The following COL18A1 variants were observed in gnomAD, a reference collection of about 807,000 sequenced individuals.
COL18A1 encodes collagen type XVIII alpha 1 chain, also known as collagen alpha-1(XVIII) chain.
COL18A1 carries 133 observed loss-of-function variants against 168.0 expected under a neutral mutation model. The ratio of observed to expected loss-of-function variants is 0.79; its 90% CI spans 0.69 to 0.91. COL18A1 has a LOEUF of 0.91. Among genes scored for constraint, COL18A1 ranks in the 40% least tolerant of loss-of-function variants. COL18A1 has a pLI of 0.00. For synonymous variants in COL18A1, 949 were observed against 809.0 expected, an observed-to-expected ratio of 1.17 and a Z score of -2.94; for missense variants, 2,126 against 1,925.4, an observed-to-expected ratio of 1.10 and a Z score of -1.95.
intron 26 of COL18A1, 69 bp from the exon 27 acceptor site, chr21:45,494,476 G>T: frequency 6.2e-7 from 1 of 1,607,158 alleles, no homozygotes; most frequent in Non-Finnish European, 8.5e-7. Context: ...CGCCACAGGG[G>T]CCCTCAGAGA....
At chr21:45,410,899 C>G (rs2033270146) in intron 2 of COL18A1, among the ~76,000 whole-genome samples, 1 of 152,234 alleles carries the variant, frequency 6.6e-6, no homozygotes, top group Non-Finnish European at 1.5e-5. Context: ...TCAGGAAGAG[C>G]CTCTGATTCG....
chr21:45,473,799 C>T lies in COL18A1; in HGVS notation c.652-96C>T. 9.5e-7 allele frequency: 1 copy of T among 1,049,576 alleles called. No individual in the cohort carries two copies. Among genetic ancestry groups the T allele is most frequent in the Non-Finnish European group, 1.4e-6 (1 of 696,470 alleles). 65.0% of individuals were successfully genotyped at this position (1,049,576 alleles called of 1,614,324 possible). A position where few individuals can be genotyped will look rare whatever the true frequency, so the allele number is the denominator to read the frequency against. ...CTTCCCTCTCCGAGACTCTCCTGCC[C>T]TTTGTGGGCCCCCCGAAATCTGGAG... is the stretch of plus-strand genomic sequence containing the variant. On this transcript the variant is annotated intron_variant, in intron 3 of 41. Transcript: ENST00000651438. This position sits in a 1 kb window ranked among gnomAD's most constrained non-coding sequence, Gnocchi z 4.0.
intron 28 of COL18A1, 22 bp downstream of exon 28, chr21:45,494,937 TG>T: frequency 6.2e-7 from 1 of 1,603,820 alleles, no homozygotes; most frequent in Non-Finnish European, 8.5e-7. Context: ...GGGTCTCCAG[TG>T]GGGGCGGCAG....
chr21:45,437,111 ACTCACACACAGACACACAGG>A lies in COL18A1; in HGVS notation c.107-31129_107-31110del, dbSNP rs1569287124. On this transcript the variant is annotated intron_variant, in intron 2 of 41. Transcript: ENST00000651438. ...CACACAGGCACTCTCCTGCACACAC[ACTCACACACAGACACACAGG>A]CACTCTCCACACACACTCACACTCA... 2.7e-3 allele frequency among the ~76,000 whole-genome samples: 267 copies of A among 98,680 alleles called. 6 individuals are homozygous for A. Among genetic ancestry groups the A allele is most frequent in the African/African-American group, 0.011 (179 of 16,696 alleles). 64.7% of individuals were successfully genotyped at this position (98,680 alleles called of 152,430 possible). A position where few individuals can be genotyped will look rare whatever the true frequency, so the allele number is the denominator to read the frequency against.
intron 15 of COL18A1, among the ~76,000 whole-genome samples, chr21:45,486,046 G>GCCTCCCTCCCTCACGC (rs2036097538): frequency 6.6e-6 from 1 of 152,218 alleles, no homozygotes; most frequent in Non-Finnish European, 1.5e-5. Flanking sequence ...CTGCCTCAGG[G>GCCTCCCTCCCTCACGC]CCTCCCTCCC....
intron 2 of COL18A1, among the ~76,000 whole-genome samples, chr21:45,446,067 CTTTTA>C (rs915346986): frequency 4.6e-5 from 7 of 152,110 alleles, no homozygotes; most frequent in African/African-American, 1.7e-4. Flanking sequence ...TATTTTAGCT[CTTTTA>C]TTTAAGAGCT....
chr21:45,494,813 T>C (rs1296501404), intron 27 of COL18A1, 49 bp from the exon 28 acceptor site: 6 of 1,558,192 alleles, frequency 3.9e-6, no homozygotes, highest in Non-Finnish European at 5.2e-6. Context: ...CAACTCGTGG[T>C]CAAGGGCCAG....
At chr21:45,501,774 CCCA>C (rs2036853306) in intron 32 of COL18A1, among the ~76,000 whole-genome samples, 1 of 66,654 alleles carries the variant, frequency 1.5e-5, no homozygotes, top group African/African-American at 4.7e-5. Flanking sequence ...CAGAAGGACC[CCCA>C]GGGGCTCCAC....
At position 45,423,420 on chromosome 21, in the gene COL18A1, G is replaced by A. The variant is rs530582440; in HGVS notation, c.106+17947G>A. Among the ~76,000 whole-genome samples, 105 of 152,336 alleles carry A rather than the reference G, an allele frequency of 6.9e-4. 1 individual carries two copies. The highest frequency in any genetic ancestry group is 2.4e-3 in the African/African-American group (98 of 41,574). On this transcript the variant is annotated intron_variant, in intron 2 of 41. Transcript: ENST00000651438. This position sits in a 1 kb window ranked among gnomAD's most constrained non-coding sequence, Gnocchi z 4.0. ...TGATTTGCAGAGAGAAAGGCGTGGA[G>A]CTCCACAAGCACCTCGGACGGCAGC...
chr21:45,405,543 C>CA, intron 2 of COL18A1, 70 bp downstream of exon 2: 1 of 997,012 alleles, frequency 1.0e-6, no homozygotes, highest in African/African-American at 1.7e-5. Context: ...CTGGGGTCCC[C>CA]GCCCGGCTCC....
At chr21:45,507,872 AGGTCAAAATCCTTGG>A (rs2037316831) in intron 38 of COL18A1, among the ~76,000 whole-genome samples, 1 of 152,154 alleles carries the variant, frequency 6.6e-6, no homozygotes, top group South Asian at 2.1e-4. Flanking sequence ...GCCCTCCTCA[AGGTCAAAATCCTTGG>A]GGCCAAAATC....
intron 2 of COL18A1, among the ~76,000 whole-genome samples, chr21:45,427,106 C>T (rs953788556): frequency 6.6e-6 from 1 of 152,324 alleles, no homozygotes; most frequent in East Asian, 1.9e-4. Flanking sequence ...AAGCCGGGCT[C>T]TCTCCGGAGC....
At chr21:45,417,705 GA>G in intron 2 of COL18A1, among the ~76,000 whole-genome samples, 1 of 152,220 alleles carries the variant, frequency 6.6e-6, no homozygotes. Flanking sequence ...TCGGCCGGGG[GA>G]TGTGGTTTGG....
rs1031862089 is a variant in COL18A1, at chr21:45,498,122, T to A, written c.2683+461T>A. 20 of 631,146 alleles carry A rather than the reference T, an allele frequency of 3.2e-5. No individual in the cohort carries two copies. Among genetic ancestry groups the A allele is most frequent in the Admixed American group, 5.1e-5 (2 of 39,566 alleles). The allele number at this position is 631,146 out of a possible 1,614,324, so 39.1% of individuals were successfully genotyped here. ...CCCCTGCTCCCCCAAAGGACAAGAA[T>A]TCCCCCCTGAGCCCCACCTCCATTG... On this transcript the variant is annotated intron_variant, in intron 32 of 41. Coordinates refer to ENST00000651438, the MANE Select transcript of COL18A1 (RefSeq NM_001379500.1). This position sits in a 1 kb window ranked among gnomAD's most constrained non-coding sequence, Gnocchi z 4.5.
At position 45,478,261 on chromosome 21, in the gene COL18A1, G is replaced by A. The variant is rs747611203; in HGVS notation, c.1222-66G>A. On this transcript the variant is annotated intron_variant, in intron 8 of 41. Coordinates refer to ENST00000651438, the MANE Select transcript of COL18A1 (RefSeq NM_001379500.1). ...CTTGGAGCGTGGGGTGCATTTCCAT[G>A]TAGACACTGTAGGTGGCGCCGGAGG... The A allele has an allele frequency of 8.7e-6, 14 of 1,605,136 alleles. No homozygotes were observed. In the African/African-American group the frequency reaches 1.1e-4, roughly 12 times the overall value.
chr21:45,492,710 T>G lies in COL18A1; in HGVS notation c.2211T>G (p.Phe737Leu), dbSNP rs1337357437. 10 of 1,608,176 alleles carry G rather than the reference T, an allele frequency of 6.2e-6. No individual in the cohort carries two copies. Among genetic ancestry groups the G allele is most frequent in the Non-Finnish European group, 7.6e-6 (9 of 1,178,332 alleles). The change falls in exon 24 of 42, where the codon TTT becomes TTG. Residue 737 changes from phenylalanine (F) to leucine (L), a missense_variant. Physicochemically the swap from Phe to Leu is conservative, Grantham distance 22 (BLOSUM62 0). Coordinates refer to ENST00000651438, the MANE Select transcript of COL18A1 (RefSeq NM_001379500.1). ...GPEGRPGFAG[F>L]PGPAGPKGNL... ...AGGGCCGGCCGGGTTTCGCAGGCTT[T>G]CCCGTGAGTAACCTGGTGCCAGAGC...
intron 40 of COL18A1, among the ~76,000 whole-genome samples, 174 bp from the exon 41 acceptor site, chr21:45,510,937 A>AC (rs2037541210): frequency 1.2e-5 from 1 of 83,246 alleles, no homozygotes; most frequent in Non-Finnish European, 2.3e-5. Context: ...CCCCCCAAAA[A>AC]AACACACACC....
intron 32 of COL18A1, among the ~76,000 whole-genome samples, chr21:45,503,244 C>T (rs2036962050): frequency 6.6e-6 from 1 of 151,020 alleles, no homozygotes; most frequent in South Asian, 2.1e-4. Context: ...TGTTTCCTTA[C>T]TTTTTAACGA....
intron 2 of COL18A1, among the ~76,000 whole-genome samples, chr21:45,458,526 C>A (rs971657155): frequency 1.3e-5 from 2 of 152,144 alleles, no homozygotes; most frequent in Admixed American, 1.3e-4. Context: ...CCCTGGAACA[C>A]CCAAATGCCC....
Sources: gnomAD v4.1 joint callset for allele counts (sites outside exome capture counted in the v4.1 genomes callset) on GRCh38, gnomAD v4.1.1 for gene constraint, Gnocchi (gnomAD v3.1) non-coding constraint, MANE v1.5 for transcripts, NCBI Gene and HGNC (gene_info 2026-07-23, HGNC 2026-07-21) for gene names.